KDM2A: variants seen among roughly 807,000 people sequenced by gnomAD.
KDM2A encodes the protein lysine-specific demethylase 2A.
KDM2A carries 3 observed loss-of-function variants against 137.3 expected under a neutral mutation model. That is an observed-to-expected ratio of 0.02 (90% confidence interval 0.01 to 0.06). The LOEUF (loss-of-function observed/expected upper bound fraction) is 0.06. KDM2A is among the 10% of genes least tolerant of loss of function. KDM2A has a pLI of 1.00. For missense variants in KDM2A, 738 were observed against 1,510.6 expected, an observed-to-expected ratio of 0.49 and a Z score of 8.48; for synonymous variants, 512 against 541.5, an observed-to-expected ratio of 0.95 and a Z score of 0.76.
chr11:67,169,779 A>T (rs1457540335), intron 2 of KDM2A, among the ~76,000 whole-genome samples: 2 of 41,794 alleles, frequency 4.8e-5, no homozygotes, highest in Non-Finnish European at 1.4e-4. Flanking sequence ...TTTTTTTGAG[A>T]CGGAGTCTCA....
chr11:67,247,399 G>C, intron 15 of KDM2A, among the ~76,000 whole-genome samples: 1 of 138,772 alleles, frequency 7.2e-6, no homozygotes, highest in African/African-American at 2.6e-5. Flanking sequence ...CTGATTCTTA[G>C]GATATTTTAA....
At chr11:67,214,344 A>G (rs546852011) in intron 6 of KDM2A, among the ~76,000 whole-genome samples, 1 of 151,710 alleles carries the variant, frequency 6.6e-6, no homozygotes, top group South Asian at 2.1e-4. Flanking sequence ...AGCTGGGACT[A>G]CGGGCGCCCG....
Position 67,217,751 on chromosome 11 carries a change from T to C in KDM2A, c.708T>C (p.Pro236=). 1 of 1,613,706 alleles carries C rather than the reference T, an allele frequency of 6.2e-7. No homozygotes were observed. The highest frequency in any genetic ancestry group is 2.2e-5 in the East Asian group (1 of 44,884). Reference sequence around the variant, plus strand: ...CACAGGTCTTCTGGCTCATCCCCCCTACAGCCCACAACCTGGAGCTGTACG... The same window carrying C: ...CACAGGTCTTCTGGCTCATCCCCCCCACAGCCCACAACCTGGAGCTGTACG... ...QGGKVFWLIP[P]TAHNLELYEN... is the part of the protein sequence containing the mutation. Residue 236 remains proline (P), a synonymous_variant, in exon 9 of 21, where the codon CCT becomes CCC. Coordinates refer to ENST00000529006, the MANE Select transcript of KDM2A (RefSeq NM_012308.3).
chr11:67,240,199 C>A, intron 12 of KDM2A: 1 of 1,533,924 alleles, frequency 6.5e-7, no homozygotes, highest in Non-Finnish European at 8.7e-7. Flanking sequence ...AGCTGGACTG[C>A]CCTGCCCTAT....
At chr11:67,238,260 A>G (rs1858927740) in intron 12 of KDM2A, among the ~76,000 whole-genome samples, 1 of 152,008 alleles carries the variant, frequency 6.6e-6, no homozygotes, top group South Asian at 2.1e-4. Flanking sequence ...CTAGTGCCCG[A>G]TGTGATTTTT....
chr11:67,186,387 A>G (rs770174728), intron 5 of KDM2A, among the ~76,000 whole-genome samples: 11 of 152,226 alleles, frequency 7.2e-5, no homozygotes, highest in Non-Finnish European at 1.3e-4. Flanking sequence ...AAAACTGTCA[A>G]CCAAGCATCC....
At chr11:67,178,547 T>C (rs562340330) in intron 2 of KDM2A, among the ~76,000 whole-genome samples, 1 of 152,388 alleles carries the variant, frequency 6.6e-6, no homozygotes, top group South Asian at 2.1e-4. Flanking sequence ...TCTCCCATTC[T>C]TCATTTTCTC....
In KDM2A at chr11:67,245,735, G is replaced by C. The variant is rs1859184785; in HGVS notation, c.1834-250G>C. 1.7e-6 allele frequency: 1 copy of C among 599,370 alleles called. No individual in the cohort carries two copies. The highest frequency in any genetic ancestry group is 2.9e-6 in the Non-Finnish European group (1 of 345,834). The allele number at this position is 599,370 out of a possible 1,614,324, so 37.1% of individuals were successfully genotyped here. A position where few individuals can be genotyped will look rare whatever the true frequency, so the allele number is the denominator to read the frequency against. ...TTCTTTCCCCTCTTCAGGTAGATTA[G>C]AAAGGACCGGGGAGGCCAAGTATAG... On this transcript the variant is annotated intron_variant, in intron 14 of 20. Transcript: ENST00000529006. The surrounding 1 kb of genome is among the most constrained non-coding windows in gnomAD (Gnocchi z 4.1).
chr11:67,211,388 C>T lies in KDM2A; in HGVS notation c.486+3700C>T, dbSNP rs1857976143. ...CAGCACTCTGGGAGGCCAAGGCAGG[C>T]AGATCACTTGAGGTCAGGAGTTCAA... On this transcript the variant is annotated intron_variant, in intron 6 of 20. Transcript: ENST00000529006. Among the ~76,000 whole-genome samples, 3 of 151,950 alleles carry T rather than the reference C, an allele frequency of 2.0e-5. No individual in the cohort carries two copies. In the South Asian group the frequency reaches 6.2e-4, roughly 31 times the overall value.
intron 2 of KDM2A, among the ~76,000 whole-genome samples, chr11:67,174,813 T>A (rs1283179091): frequency 6.6e-6 from 1 of 152,232 alleles, no homozygotes. Context: ...TATTCAGGAA[T>A]ACAATTCCCT....
At chr11:67,183,834 C>T (rs897023674) in intron 5 of KDM2A, among the ~76,000 whole-genome samples, 1 of 150,582 alleles carries the variant, frequency 6.6e-6, no homozygotes, top group African/African-American at 2.4e-5. Flanking sequence ...TGGGGCCAGG[C>T]ACAGTGGGTC....
At chr11:67,233,835 G>A (rs1283443385) in intron 12 of KDM2A, among the ~76,000 whole-genome samples, 1 of 152,032 alleles carries the variant, frequency 6.6e-6, no homozygotes, top group Admixed American at 6.6e-5. Context: ...AGGAGGCTTA[G>A]CATTATGAAA....
At chr11:67,124,826 C>G (rs974620222) in intron 2 of KDM2A, among the ~76,000 whole-genome samples, 13 of 151,194 alleles carry the variant, frequency 8.6e-5, no homozygotes, top group African/African-American at 2.7e-4. Flanking sequence ...TGTAAGAGGA[C>G]ACATCATCTA....
chr11:67,203,696 T>C (rs1431754748), intron 5 of KDM2A, among the ~76,000 whole-genome samples: 1 of 151,010 alleles, frequency 6.6e-6, no homozygotes. Flanking sequence ...AGAGGTTGCA[T>C]TGAGTCTAGA....
chr11:67,170,115 A>G (rs779540997), intron 2 of KDM2A, among the ~76,000 whole-genome samples: 17 of 152,134 alleles, frequency 1.1e-4, no homozygotes, highest in Non-Finnish European at 1.9e-4. Flanking sequence ...AGGAAGTGAG[A>G]ACACATTTTC....
intron 12 of KDM2A, 52 bp from the exon 13 acceptor site, chr11:67,242,957 G>T: frequency 6.9e-7 from 1 of 1,444,088 alleles, no homozygotes; most frequent in Non-Finnish European, 9.7e-7. Flanking sequence ...AGGGTGGTTG[G>T]CTCTTTGTTC....
chr11:67,216,442 T>C (rs1362235159), intron 8 of KDM2A, among the ~76,000 whole-genome samples: 1 of 152,258 alleles, frequency 6.6e-6, no homozygotes, highest in Non-Finnish European at 1.5e-5. Context: ...ATTATCTTTA[T>C]TCATTCAGTT....
At chr11:67,253,843 CAG>C (rs1859516359) in intron 19 of KDM2A, among the ~76,000 whole-genome samples, 2 of 152,250 alleles carry the variant, frequency 1.3e-5, no homozygotes, top group East Asian at 3.9e-4. Flanking sequence ...GTTTGGGGCC[CAG>C]AGAGTGTAAG....
chr11:67,205,192 C>T (rs902320993), intron 5 of KDM2A, among the ~76,000 whole-genome samples: 1 of 152,114 alleles, frequency 6.6e-6, no homozygotes, highest in African/African-American at 2.4e-5. Flanking sequence ...TAAATTATAG[C>T]GATCCTAGTG....
Sources: allele counts gnomAD v4.1 joint callset (sites outside exome capture counted in the v4.1 genomes callset), GRCh38; gene constraint gnomAD v4.1.1; non-coding constraint Gnocchi (gnomAD v3.1); transcripts MANE v1.5; gene names NCBI Gene and HGNC (gene_info 2026-07-23, HGNC 2026-07-21).